The following ADGRV1 variants were observed in gnomAD, a reference collection of about 807,000 sequenced individuals.
ADGRV1 encodes adhesion G protein-coupled receptor V1.
A neutral mutation model predicts 596.2 loss-of-function variants in ADGRV1; 359 were observed. The ratio of observed to expected loss-of-function variants is 0.60; its 90% confidence interval spans 0.55 to 0.66. ADGRV1 has a LOEUF of 0.66. Among genes scored for constraint, ADGRV1 ranks in the 30% least tolerant of loss-of-function variants. The pLI, the probability that ADGRV1 is intolerant of heterozygous loss-of-function variation, is 0.00. For synonymous variants in ADGRV1, 2,681 were observed against 2,679.2 expected (o/e 1.00, Z -0.02); for missense variants, 7,274 against 7,575.6 (o/e 0.96, Z 1.48).
At chr5:90,607,364 C>T (rs908606547) in intron 1 of ADGRV1, among the ~76,000 whole-genome samples, 4 of 152,038 alleles carry the variant, frequency 2.6e-5, no homozygotes, top group African/African-American at 7.2e-5. Context: ...ATCATCATCC[C>T]TTCCATCCTG....
rs769036174 is a variant in ADGRV1 at position 90,622,819 on chromosome 5, CA to C, written c.558+120del. 0.073 allele frequency: 28,731 copies of C among 394,046 alleles called. 1,283 individuals carry two copies. The highest frequency in any genetic ancestry group is 0.097 in the Non-Finnish European group (21,749 of 225,202). 24.4% of individuals were successfully genotyped at this position (394,046 alleles called of 1,614,324 possible). On this transcript the variant is annotated intron_variant, in intron 5 of 89. Transcript: ENST00000405460. The stretch of plus-strand genomic sequence containing the variant: ...GCAGTGGTGCGATCTCAGCTCAATG[CA>C]ACCTCTGCCTCCCAGGTTCAAGTGA...
intron 34 of ADGRV1, among the ~76,000 whole-genome samples, chr5:90,701,348 A>G (rs547693593): frequency 6.6e-6 from 1 of 152,198 alleles, no homozygotes; most frequent in East Asian, 1.9e-4. Context: ...TCCTGGCAGA[A>G]GGTATCTTTC....
intron 43 of ADGRV1, chr5:90,717,642 A>G (rs924788829): frequency 1.3e-5 from 2 of 151,698 alleles, no homozygotes; most frequent in Non-Finnish European, 2.9e-5. Context: ...GGCGCCCACC[A>G]CTACAGGCGC....
chr5:90,729,602 A>T (rs1487079571), intron 49 of ADGRV1, 40 bp from the exon 50 acceptor site: 4 of 1,495,692 alleles, frequency 2.7e-6, no homozygotes, highest in African/African-American at 1.4e-5. Context: ...TTTTTCTGTA[A>T]CTTTTGCATT....
intron 2 of ADGRV1, among the ~76,000 whole-genome samples, chr5:90,615,746 T>C (rs1211296533): frequency 2.0e-5 from 3 of 151,970 alleles, no homozygotes. Flanking sequence ...TTTTAGTTAT[T>C]TGTGACATAT....
chr5:90,588,079 G>C (rs1759011904), intron 1 of ADGRV1, among the ~76,000 whole-genome samples: 1 of 151,990 alleles, frequency 6.6e-6, no homozygotes, highest in African/African-American at 2.4e-5. Flanking sequence ...ACTAGGTATA[G>C]ACAGTGAAAA....
chr5:90,706,709 A>G (rs755768332), intron 38 of ADGRV1, among the ~76,000 whole-genome samples: 65 of 145,480 alleles, frequency 4.5e-4, no homozygotes, highest in Middle Eastern at 3.5e-3. Context: ...AACTAAGTTT[A>G]CCTGAGTTTT....
chr5:91,115,060 G>T (rs908239989), intron 87 of ADGRV1, among the ~76,000 whole-genome samples: 1 of 152,172 alleles, frequency 6.6e-6, no homozygotes, highest in African/African-American at 2.4e-5. Context: ...AATGGGTTTT[G>T]CTTCTCTCCA....
At chr5:91,121,617 A>G (rs1793321658) in intron 87 of ADGRV1, among the ~76,000 whole-genome samples, 1 of 152,316 alleles carries the variant, frequency 6.6e-6, no homozygotes, top group South Asian at 2.1e-4. Flanking sequence ...GTTCAGAACC[A>G]CAGCATTGGA....
chr5:90,851,168 A>AGAGAGAGG (rs1469870808), intron 79 of ADGRV1, among the ~76,000 whole-genome samples: 1 of 135,334 alleles, frequency 7.4e-6, no homozygotes, highest in East Asian at 2.1e-4. Context: ...AGAGAGAGAG[A>AGAGAGAGG]ATGAATCTGA....
chr5:90,656,668 A>G (rs1467764619), intron 20 of ADGRV1, among the ~76,000 whole-genome samples: 1 of 152,164 alleles, frequency 6.6e-6, no homozygotes, highest in Non-Finnish European at 1.5e-5. Flanking sequence ...GATACTTGTG[A>G]CTACCCTGAA....
At chr5:90,971,858 C>A (rs1379193808) in intron 84 of ADGRV1, among the ~76,000 whole-genome samples, 1 of 152,104 alleles carries the variant, frequency 6.6e-6, no homozygotes, top group East Asian at 1.9e-4. Context: ...ACAATATTAA[C>A]CTTAAATGTA....
chr5:90,839,442 C>T (rs560091400), intron 77 of ADGRV1, among the ~76,000 whole-genome samples: 67 of 152,266 alleles, frequency 4.4e-4, no homozygotes, highest in African/African-American at 1.5e-3. Flanking sequence ...TCTTGATCTC[C>T]TGACCTTGTG....
chr5:91,019,181 A>C (rs963908373), intron 85 of ADGRV1, among the ~76,000 whole-genome samples: 4 of 152,012 alleles, frequency 2.6e-5, no homozygotes, highest in Non-Finnish European at 4.4e-5. Flanking sequence ...CTAGAGCAAA[A>C]GCAGGGAAGA....
At chr5:90,771,940 T>G (rs1418182695) in intron 59 of ADGRV1, among the ~76,000 whole-genome samples, 2 of 152,160 alleles carry the variant, frequency 1.3e-5, no homozygotes, top group East Asian at 3.9e-4. Flanking sequence ...CCCATCACCT[T>G]TTTATCCCAG....
chr5:91,079,350 C>T (rs956533505), intron 86 of ADGRV1, among the ~76,000 whole-genome samples: 3 of 152,166 alleles, frequency 2.0e-5, no homozygotes, highest in Non-Finnish European at 4.4e-5. Context: ...GGGGAAATCC[C>T]ACATGTTAAA....
intron 70 of ADGRV1, chr5:90,793,077 G>T (rs1203193294): frequency 6.6e-6 from 1 of 152,216 alleles, no homozygotes; most frequent in African/African-American, 2.4e-5. Flanking sequence ...AGCATTGAGT[G>T]AAACTGTGTG....
intron 85 of ADGRV1, among the ~76,000 whole-genome samples, chr5:91,003,080 C>T (rs1383520162): frequency 1.3e-5 from 2 of 152,130 alleles, no homozygotes; most frequent in Non-Finnish European, 2.9e-5. Flanking sequence ...AACACAGTCC[C>T]TTTACTTCAG....
chr5:90,925,463 AT>A (rs1371234147), intron 83 of ADGRV1, among the ~76,000 whole-genome samples: 1 of 152,082 alleles, frequency 6.6e-6, no homozygotes, highest in Non-Finnish European at 1.5e-5. Flanking sequence ...AGTGCTTGTG[AT>A]TTTTGTACAT....
Sources: gnomAD v4.1 joint callset for allele counts (sites outside exome capture counted in the v4.1 genomes callset) on GRCh38, gnomAD v4.1.1 for gene constraint, MANE v1.5 for transcripts, NCBI Gene and HGNC (gene_info 2026-07-23, HGNC 2026-07-21) for gene names.